Variants in FANCD2OS observed in about 807,000 individuals in gnomAD.
The protein encoded by FANCD2OS is FANCD2 opposite strand protein.
In FANCD2OS, 11 loss-of-function variants were observed where a neutral mutation model predicts 13.2. The observed-to-expected ratio is 0.83, with a 90% confidence interval of 0.52 to 1.38. The LOEUF is 1.38. FANCD2OS is among the 40% of genes most tolerant of loss of function. The pLI is 0.00. For synonymous variants in FANCD2OS, 69 were observed against 84.5 expected (o/e 0.82, Z 1.01); for missense variants, 217 against 213.9 (o/e 1.01, Z -0.09).
chr3:10,082,955 C>T (rs1481942446), intron 2 of FANCD2OS, among the ~76,000 whole-genome samples: 1 of 152,110 alleles, frequency 6.6e-6, no homozygotes, highest in East Asian at 1.9e-4. Context: ...GGCCTGACAT[C>T]GTGGCTTATG....
chr3:10,088,912 T>A lies in FANCD2OS; in HGVS notation c.*44-7381A>T, dbSNP rs1168183069. On this transcript the variant is annotated intron_variant, in intron 2 of 2. Coordinates refer to the FANCD2OS transcript ENST00000524279. Reference sequence around the variant, plus strand: ...GTGTCCCAGAACTGATCAACTCTCCTAAAGATGCATCTTCCTCCACATTCC... The same window carrying A: ...GTGTCCCAGAACTGATCAACTCTCCAAAAGATGCATCTTCCTCCACATTCC... The A allele has an allele frequency of 1.6e-5, 26 of 1,613,988 alleles. No homozygotes were observed. The highest frequency in any genetic ancestry group is 1.7e-6 in the Non-Finnish European group (2 of 1,179,966).
chr3:10,105,804 ATATATATATATATATATTT>A (rs1695480402), intron 1 of FANCD2OS, among the ~76,000 whole-genome samples: 1 of 77,868 alleles, frequency 1.3e-5, no homozygotes, highest in Non-Finnish European at 2.3e-5. Context: ...ATATATATAT[ATATATATATATATATATTT>A]TGAGGTTCGC....
At chr3:10,093,018 A>T (rs1218737265) in intron 2 of FANCD2OS, among the ~76,000 whole-genome samples, 6 of 152,118 alleles carry the variant, frequency 3.9e-5, no homozygotes, top group Admixed American at 3.9e-4. Flanking sequence ...AAGTCTTCAG[A>T]TCAAGGTTTT....
At chr3:10,088,929 CCACATTCCCTA>C in intron 2 of FANCD2OS, 1 of 1,614,026 alleles carries the variant, frequency 6.2e-7, no homozygotes, top group Non-Finnish European at 8.5e-7. Flanking sequence ...GCATCTTCCT[CCACATTCCCTA>C]CACTGACCAG....
chr3:10,092,313 C>T lies in FANCD2OS; in HGVS notation c.*44-10782G>A, dbSNP rs1575856397. The T allele has an allele frequency of 3.8e-6, 5 of 1,314,060 alleles. No individual in the cohort carries two copies. In the East Asian group the frequency reaches 1.1e-4, roughly 30 times the overall value. 81.4% of individuals were successfully genotyped at this position (1,314,060 alleles called of 1,614,324 possible). ...TAACTGCAGAAACCAAGTGTCCTGG[C>T]TTCCAAAATGGACTTTCCTTGCTCC... On this transcript the variant is annotated intron_variant, in intron 2 of 2. Coordinates refer to the FANCD2OS transcript ENST00000524279.
chr3:10,090,281 C>A, intron 2 of FANCD2OS: 2 of 1,608,208 alleles, frequency 1.2e-6, no homozygotes, highest in Admixed American at 1.7e-5. Context: ...CATGCTTTTC[C>A]CGTCTTCTAG....
At chr3:10,101,372 T>G, downstream of FANCD2OS, 84 of 652,858 alleles carry the variant, frequency 1.3e-4, no homozygotes, top group East Asian at 1.8e-4. Flanking sequence ...TCCTTTTTTG[T>G]TCCTCTTTTT....
intron 2 of FANCD2OS, chr3:10,081,576 A>C (rs892648680): frequency 3.2e-5 from 26 of 822,332 alleles, no homozygotes; most frequent in Non-Finnish European, 5.4e-5. Flanking sequence ...TCTTATGTGA[A>C]TATGGTTCAT....
chr3:10,104,831 G>A (rs1695426531), intron 1 of FANCD2OS, 49 bp from the exon 2 acceptor site: 3 of 1,485,244 alleles, frequency 2.0e-6, no homozygotes, highest in South Asian at 2.7e-5. Context: ...TGCTTTTCAT[G>A]AGAGCATGGC....
At chr3:10,089,217 G>A (rs1179100892) in intron 2 of FANCD2OS, among the ~76,000 whole-genome samples, 5 of 151,864 alleles carry the variant, frequency 3.3e-5, no homozygotes, top group Non-Finnish European at 5.9e-5. Context: ...CCTGGGAGGC[G>A]GAGGTTGCAG....
intron 2 of FANCD2OS, among the ~76,000 whole-genome samples, chr3:10,083,354 A>G (rs1411302619): frequency 6.6e-6 from 1 of 152,248 alleles, no homozygotes. Flanking sequence ...AGGAAATGCA[A>G]ATTAAAAGCA....
intron 2 of FANCD2OS, among the ~76,000 whole-genome samples, chr3:10,095,990 G>A (rs187453586): frequency 5.3e-5 from 8 of 150,648 alleles, no homozygotes; most frequent in East Asian, 3.9e-4. Context: ...GACAGTGAAT[G>A]TTTAAGGAAT....
intron 1 of FANCD2OS, among the ~76,000 whole-genome samples, chr3:10,107,319 G>A (rs562320726): frequency 4.0e-5 from 6 of 151,396 alleles, no homozygotes; most frequent in African/African-American, 9.7e-5. Context: ...ACAGAGCCTT[G>A]CTCTGTCACT....
intron 2 of FANCD2OS, chr3:10,092,335 C>T: frequency 9.7e-7 from 1 of 1,026,938 alleles, no homozygotes; most frequent in Non-Finnish European, 1.5e-6. Context: ...ACTTTCCTTG[C>T]TCCTCTTCCC....
intron 2 of FANCD2OS, chr3:10,088,845 C>T (rs756713676): frequency 3.1e-6 from 5 of 1,614,120 alleles, no homozygotes; most frequent in Non-Finnish European, 4.2e-6. Context: ...CTGGAGCACA[C>T]AGAGAGCATT....
chr3:10,088,591 T>G, intron 2 of FANCD2OS: 1 of 1,318,934 alleles, frequency 7.6e-7, no homozygotes, highest in Non-Finnish European at 1.1e-6. Context: ...TTTTCTATTT[T>G]GCTACTGTTG....
chr3:10,083,629 C>G (rs1481066302), intron 2 of FANCD2OS: 1 of 152,304 alleles, frequency 6.6e-6, no homozygotes, highest in African/African-American at 2.4e-5. Context: ...TGGCTCACGC[C>G]TGTAATCCCA....
Position 10,085,930 on chromosome 3 carries a change from A to G in FANCD2OS, c.*44-4399T>C, listed in dbSNP as rs747078545. On this transcript the variant is annotated intron_variant, in intron 2 of 2. Coordinates refer to the FANCD2OS transcript ENST00000524279. Reference sequence around the variant, plus strand: ...TTTGGAGGAACTACTCAGGTGAGTCATAACTACATAGCCAAGATTGTTGTC... The same window carrying G: ...TTTGGAGGAACTACTCAGGTGAGTCGTAACTACATAGCCAAGATTGTTGTC... The G allele has an allele frequency of 3.2e-6, 5 of 1,567,146 alleles. No homozygotes were observed. The highest frequency in any genetic ancestry group is 1.7e-5 in the Admixed American group (1 of 59,940).
At chr3:10,104,878 A>C in intron 1 of FANCD2OS, 96 bp from the exon 2 acceptor site, 2 of 1,055,580 alleles carry the variant, frequency 1.9e-6, no homozygotes, top group Non-Finnish European at 2.7e-6. Flanking sequence ...TATAGACATA[A>C]ACTTGTTCTA....
Sources: gnomAD v4.1 joint callset for allele counts (sites outside exome capture counted in the v4.1 genomes callset) on GRCh38, gnomAD v4.1.1 for gene constraint, MANE v1.5 for transcripts, NCBI Gene and HGNC (gene_info 2026-07-23, HGNC 2026-07-21) for gene names.